ULK4: variants seen among roughly 807,000 people sequenced by gnomAD.
The protein encoded by ULK4 is inactive serine/threonine-protein kinase ULK4.
ULK4 carries 133 observed loss-of-function variants against 160.6 expected under a neutral mutation model. The ratio of observed to expected loss-of-function variants is 0.83; its 90% CI spans 0.72 to 0.96. The LOEUF (loss-of-function observed/expected upper bound fraction) is 0.96. Among genes scored for constraint, ULK4 ranks in the 40% least tolerant of loss-of-function variants. The probability of loss-of-function intolerance (pLI) is 0.00; values close to 1 mark genes in which losing one functional copy is unlikely to be tolerated. For missense variants in ULK4, 1,580 were observed against 1,499.5 expected (o/e 1.05, Z -0.89); for synonymous variants, 534 against 539.8 (o/e 0.99, Z 0.15).
chr3:41,262,362 C>T (rs759043505), intron 35 of ULK4, among the ~76,000 whole-genome samples: 2 of 152,240 alleles, frequency 1.3e-5, no homozygotes, highest in African/African-American at 2.4e-5. Context: ...AGGAACACTG[C>T]TCCTTTCCAC....
chr3:41,469,406 G>A (rs1238151250), intron 32 of ULK4, among the ~76,000 whole-genome samples: 1 of 151,394 alleles, frequency 6.6e-6, no homozygotes, highest in Non-Finnish European at 1.5e-5. Flanking sequence ...CCCAATGATG[G>A]GCCAACTGTA....
chr3:41,954,943 G>A (rs1700433195), intron 1 of ULK4, 136 bp from the exon 2 acceptor site: 6 of 585,274 alleles, frequency 1.0e-5, no homozygotes, highest in African/African-American at 1.9e-5. Context: ...ACTTACAAAT[G>A]TTAAATACTA....
At chr3:41,698,927 A>T (rs2036584611) in intron 27 of ULK4, among the ~76,000 whole-genome samples, 1 of 152,024 alleles carries the variant, frequency 6.6e-6, no homozygotes, top group South Asian at 2.1e-4. Context: ...CTCAACATTA[A>T]ATTTTTAAGA....
chr3:41,582,374 A>T (rs2030432484), intron 31 of ULK4, among the ~76,000 whole-genome samples: 1 of 152,068 alleles, frequency 6.6e-6, no homozygotes, highest in African/African-American at 2.4e-5. Flanking sequence ...AGACTAATAC[A>T]CTCGGTTAAT....
chr3:41,264,576 A>G (rs2078998283), intron 35 of ULK4, among the ~76,000 whole-genome samples: 1 of 152,226 alleles, frequency 6.6e-6, no homozygotes, highest in African/African-American at 2.4e-5. Flanking sequence ...CTCATCAACC[A>G]TATGGAAACA....
At position 41,913,463 on chromosome 3, in the gene ULK4, G is replaced by A. The variant is rs189415090; in HGVS notation, c.804-564C>T. On this transcript the variant is annotated intron_variant, in intron 8 of 36. Transcript: ENST00000301831. Reference sequence around the variant, plus strand: ...GGTGGTCTCGATCTCCTCACCTCGTGATCCACCCGCCTCCGCCTCCCAAAG... The same window carrying A: ...GGTGGTCTCGATCTCCTCACCTCGTAATCCACCCGCCTCCGCCTCCCAAAG... Among the ~76,000 whole-genome samples the A allele has an allele frequency of 2.2e-4, 34 of 152,210 alleles. No homozygotes were observed. The East Asian group carries it at 6.0e-3, about 27-fold the overall frequency.
chr3:41,398,214 A>G lies in ULK4; in HGVS notation c.3543T>C (p.Ser1181=), dbSNP rs571673427. The G allele has an allele frequency of 6.2e-7, 1 of 1,612,810 alleles. No individual in the cohort carries two copies. Among genetic ancestry groups the G allele is most frequent in the South Asian group, 1.1e-5 (1 of 90,814 alleles). The change falls in exon 35 of 37, where the codon TCT becomes TCC. Residue 1181 remains serine, a synonymous_variant. Transcript: ENST00000301831. Reference sequence around the variant, plus strand: ...CCCCTCCATACAGCTGAACCAGTATAGACAGGCACTTGGATGAAACATCAA... The same window carrying G: ...CCCCTCCATACAGCTGAACCAGTATGGACAGGCACTTGGATGAAACATCAA... ...EIFDVSSKCL[S]ILVQLYGGEN...
chr3:41,590,904 G>A (rs1418751498), intron 31 of ULK4, among the ~76,000 whole-genome samples: 1 of 151,964 alleles, frequency 6.6e-6, no homozygotes, highest in Non-Finnish European at 1.5e-5. Context: ...GGGAAAAAAA[G>A]CTTTTTGAAG....
At chr3:41,694,497 G>A (rs1454440134) in intron 27 of ULK4, among the ~76,000 whole-genome samples, 1 of 152,126 alleles carries the variant, frequency 6.6e-6, no homozygotes, top group Non-Finnish European at 1.5e-5. Context: ...GGATGGGATA[G>A]GGCAGACAAT....
chr3:41,786,185 G>GC (rs1443741972), intron 21 of ULK4, among the ~76,000 whole-genome samples: 1 of 152,066 alleles, frequency 6.6e-6, no homozygotes, highest in African/African-American at 2.4e-5. Context: ...TTTATTATCA[G>GC]CCCCTCCTGT....
chr3:41,846,903 A>T (rs911038205), intron 17 of ULK4, among the ~76,000 whole-genome samples: 2 of 152,128 alleles, frequency 1.3e-5, no homozygotes, highest in Non-Finnish European at 2.9e-5. Context: ...TGAAAACCAT[A>T]CATGAAGGAA....
chr3:41,753,227 C>T lies in ULK4; in HGVS notation c.2321+1134G>A, dbSNP rs143463433. 2.0e-3 allele frequency among the ~76,000 whole-genome samples: 311 copies of T among 152,190 alleles called. 2 individuals are homozygous for T. Among genetic ancestry groups the T allele is most frequent in the Middle Eastern group, 0.01 (3 of 294 alleles). On this transcript the variant is annotated intron_variant, in intron 22 of 36. Coordinates refer to ENST00000301831, the MANE Select transcript of ULK4 (RefSeq NM_017886.4). ...GAGTAAGACCCTGTCTCCAAAAATA[C>T]ACACAGAAATTTGTTGTCTTGTTTG...
At chr3:41,463,853 T>C (rs868449420) in intron 32 of ULK4, among the ~76,000 whole-genome samples, 1 of 152,216 alleles carries the variant, frequency 6.6e-6, no homozygotes, top group Non-Finnish European at 1.5e-5. Flanking sequence ...GGGGGTGTTA[T>C]TGTTTACATT....
intron 34 of ULK4, among the ~76,000 whole-genome samples, chr3:41,405,012 G>T (rs1179443033): frequency 6.6e-6 from 1 of 152,190 alleles, no homozygotes; most frequent in Non-Finnish European, 1.5e-5. Flanking sequence ...GGTTATATTT[G>T]CAGGTTTGTT....
chr3:41,561,216 A>G (rs1692000), intron 32 of ULK4, among the ~76,000 whole-genome samples: 65,338 of 151,608 alleles, frequency 0.43, 15,135 homozygotes, highest in Middle Eastern at 0.55. Context: ...GACGAAGCCA[A>G]CTTGATCGTG....
chr3:41,409,045 C>T (rs899810575), intron 34 of ULK4, among the ~76,000 whole-genome samples: 1 of 152,072 alleles, frequency 6.6e-6, no homozygotes, highest in Admixed American at 6.6e-5. Context: ...TGCATGAGCC[C>T]AGGAGTTTGA....
chr3:41,651,566 G>T (rs1297588318), intron 30 of ULK4, among the ~76,000 whole-genome samples: 1 of 152,160 alleles, frequency 6.6e-6, no homozygotes, highest in African/African-American at 2.4e-5. Context: ...ATGAATGAAT[G>T]AATGAATGAC....
At chr3:41,247,374 A>G (rs1048626647) in intron 36 of ULK4, among the ~76,000 whole-genome samples, 3 of 152,204 alleles carry the variant, frequency 2.0e-5, no homozygotes, top group African/African-American at 7.2e-5. Flanking sequence ...TCCCTGCTCC[A>G]TTGCCCTTTC....
At chr3:41,723,168 G>C (rs2037533443) in intron 22 of ULK4, among the ~76,000 whole-genome samples, 1 of 151,900 alleles carries the variant, frequency 6.6e-6, no homozygotes, top group Non-Finnish European at 1.5e-5. Context: ...GAATATTTTG[G>C]TATTTATTTG....
Sources: gnomAD v4.1 joint callset for allele counts (sites outside exome capture counted in the v4.1 genomes callset) on GRCh38, gnomAD v4.1.1 for gene constraint, MANE v1.5 for transcripts, NCBI Gene and HGNC (gene_info 2026-07-23, HGNC 2026-07-21) for gene names.